The following HSPB1 variants were observed in gnomAD, a reference collection of about 807,000 sequenced individuals.
HSPB1 encodes heat shock protein family B (small) member 1, also known as heat shock protein beta-1.
HSPB1 carries 19 observed loss-of-function variants against 17.0 expected under a neutral mutation model. That is an observed-to-expected ratio of 1.12 (90% confidence interval 0.78 to 1.64). HSPB1 has a LOEUF of 1.64. Among genes scored for constraint, HSPB1 ranks in the 40% most tolerant of loss-of-function variants. The probability of loss-of-function intolerance (pLI) is 0.00; values close to 1 mark genes in which losing one functional copy is unlikely to be tolerated. For missense variants in HSPB1, 348 were observed against 289.2 expected, an observed-to-expected ratio of 1.20 and a Z score of -1.47; for synonymous variants, 165 against 129.8, an observed-to-expected ratio of 1.27 and a Z score of -1.84.
In HSPB1 at chr7:76,303,824, C is replaced by A; in HGVS notation, c.387C>A (p.Asp129Glu). 6.2e-7 allele frequency: 1 copy of A among 1,609,080 alleles called. No individual in the cohort carries two copies. Among genetic ancestry groups the A allele is most frequent in the African/African-American group, 1.3e-5 (1 of 74,254 alleles). ...AAGGCAAGCACGAGGAGCGGCAGGA[C>A]GAGCATGGCTACATCTCCCGGTGCT... ...EITGKHEERQDEHGYISRCFT... is the reference protein window; with the variant it reads ...EITGKHEERQEEHGYISRCFT... The change falls in exon 2 of 3, where the codon GAC (aspartate) becomes GAA (glutamate). Residue 129 changes from aspartate (D) to glutamate (E), a missense_variant. Coordinates refer to ENST00000248553, the MANE Select transcript of HSPB1 (RefSeq NM_001540.5).
chr7:76,303,225 C>T (rs1056480336), intron 1 of HSPB1, 149 bp downstream of exon 1: 5 of 990,466 alleles, frequency 5.0e-6, no homozygotes, highest in Non-Finnish European at 7.3e-6. Flanking sequence ...TTCCCTTGCT[C>T]AGGAATTGGG....
Position 76,302,695 on chromosome 7 carries a change from A to G in HSPB1, c.-18A>G, listed in dbSNP as rs1403880807. 2 of 1,599,110 alleles carry G rather than the reference A, an allele frequency of 1.3e-6. No individual in the cohort carries two copies. The highest frequency in any genetic ancestry group is 2.2e-5 in the East Asian group (1 of 44,862). ...CCCGCACTTTTCTGAGCAGACGTCC[A>G]GAGCAGAGTCAGCCAGCATGACCGA... is the stretch of plus-strand genomic sequence containing the variant. On this transcript the variant is annotated 5_prime_UTR_variant, in exon 1 of 3. Transcript: ENST00000248553.
rs1029497482 is a variant in HSPB1 at position 76,303,572 on chromosome 7, T to G, written c.365-230T>G. On this transcript the variant is annotated intron_variant, in intron 1 of 2. Coordinates refer to ENST00000248553, the MANE Select transcript of HSPB1 (RefSeq NM_001540.5). The stretch of plus-strand genomic sequence containing the variant: ...CCAAGTGCGCCTGCGTACTGCTCAC[T>G]CCCCAGCTCCGCGCCCTGCTCCGTT... 1.8e-5 allele frequency: 11 copies of G among 598,868 alleles called. No individual in the cohort carries two copies. The African/African-American group carries it at 2.0e-4, about 11-fold the overall frequency. 37.1% of individuals were successfully genotyped at this position (598,868 alleles called of 1,614,324 possible).
chr7:76,302,902 G>T lies in HSPB1; in HGVS notation c.190G>T (p.Glu64Ter). The T allele has an allele frequency of 6.4e-7, 1 of 1,551,492 alleles. No homozygotes were observed. Among genetic ancestry groups the T allele is most frequent in the Non-Finnish European group, 8.7e-7 (1 of 1,154,398 alleles). ...GCGCCCCCTGCCCCCCGCCGCCATC[G>T]AGAGCCCCGCAGTGGCCGCGCCCGC... ...YVRPLPPAAI[E>*]SPAVAAPAYS... The change falls in exon 1 of 3, where the codon GAG (glutamate) becomes TAG (stop). Residue 64 changes from glutamate (E) to a stop codon, truncating the protein, a stop_gained. Coordinates refer to ENST00000248553, the MANE Select transcript of HSPB1 (RefSeq NM_001540.5). LOFTEE classifies it high-confidence loss of function.
Position 76,303,997 on chromosome 7 carries a change from G to A in HSPB1, c.442G>A (p.Val148Met). The change falls in exon 3 of 3, where the codon GTG (valine) becomes ATG (methionine). Residue 148 changes from valine (V) to methionine (M), a missense_variant. By Grantham distance (21) the Val-to-Met change is conservative. Coordinates refer to ENST00000248553, the MANE Select transcript of HSPB1 (RefSeq NM_001540.5). ...CTGCACGTCCAGGCTGCCCCCCGGT[G>A]TGGACCCCACCCAAGTTTCCTCCTC... ...FTRKYTLPPG[V>M]DPTQVSSSLS... is the part of the protein sequence containing the mutation. The A allele has an allele frequency of 6.2e-7, 1 of 1,613,796 alleles. No homozygotes were observed. The highest frequency in any genetic ancestry group is 1.1e-5 in the South Asian group (1 of 91,072).
At chr7:76,303,908 G>T in intron 2 of HSPB1, 43 bp downstream of exon 2, 1 of 1,606,976 alleles carries the variant, frequency 6.2e-7, no homozygotes, top group Non-Finnish European at 8.5e-7. Flanking sequence ...TGGCGTGGGG[G>T]TGGGGTCAGG....
rs775728229 is a variant in HSPB1 at position 76,302,803 on chromosome 7, C to G, written c.91C>G (p.Gln31Glu). 5 of 1,608,626 alleles carry G rather than the reference C, an allele frequency of 3.1e-6. No individual in the cohort carries two copies. In the East Asian group the frequency reaches 8.9e-5, roughly 29 times the overall value. ...DWYPHSRLFD[Q>E]AFGLPRLPEE... The stretch of plus-strand genomic sequence containing the variant: ...GTACCCGCATAGCCGCCTCTTCGAC[C>G]AGGCCTTCGGGCTGCCCCGGCTGCC... Residue 31 changes from glutamine to glutamate, a missense_variant, in exon 1 of 3, where the codon CAG (glutamine) becomes GAG (glutamate). By Grantham distance (29) the Gln-to-Glu change is conservative. Transcript: ENST00000248553.
rs374801083 is a variant in HSPB1 at position 76,304,157 on chromosome 7, A to G, written c.602A>G (p.Glu201Gly). 3.7e-6 allele frequency: 6 copies of G among 1,611,264 alleles called. No individual in the cohort carries two copies. The African/African-American group carries it at 4.0e-5, about 11-fold the overall frequency. ...LGGPEAAKSD[E>G]TAAK ...GGCCCAGAAGCTGCAAAATCCGATG[A>G]GACTGCCGCCAAGTAAAGCCTTAGC... Residue 201 changes from glutamate (E) to glycine (G), a missense_variant, in exon 3 of 3, where the codon GAG becomes GGG. Transcript: ENST00000248553.
Position 76,302,724 on chromosome 7 carries a change from C to T in HSPB1, c.12C>T (p.Arg4=). 6.2e-7 allele frequency: 1 copy of T among 1,602,940 alleles called. No homozygotes were observed. Among genetic ancestry groups the T allele is most frequent in the South Asian group, 1.1e-5 (1 of 91,016 alleles). The change falls in exon 1 of 3, where the codon CGC becomes CGT. Residue 4 remains arginine, a synonymous_variant. Coordinates refer to ENST00000248553, the MANE Select transcript of HSPB1 (RefSeq NM_001540.5). MTE[R]RVPFSLLRGP... is the part of the protein sequence containing the mutation. ...CAGAGTCAGCCAGCATGACCGAGCGCCGCGTCCCCTTCTCGCTCCTGCGGG... is the reference window on the plus strand; with the variant it reads ...CAGAGTCAGCCAGCATGACCGAGCGTCGCGTCCCCTTCTCGCTCCTGCGGG...
rs1803021354 is a variant in HSPB1 at position 76,302,875 on chromosome 7, G to C, written c.163G>C (p.Val55Leu). Residue 55 changes from valine to leucine, a missense_variant, in exon 1 of 3, where the codon GTG becomes CTG. Transcript: ENST00000248553. ...AGGCGGCAGCAGCTGGCCAGGCTAC[G>C]TGCGCCCCCTGCCCCCCGCCGCCAT... is the stretch of plus-strand genomic sequence containing the variant. ...WLGGSSWPGY[V>L]RPLPPAAIES... 4 of 1,574,500 alleles carry C rather than the reference G, an allele frequency of 2.5e-6. No individual in the cohort carries two copies. The highest frequency in any genetic ancestry group is 3.4e-6 in the Non-Finnish European group (4 of 1,165,526).
Position 76,303,739 on chromosome 7 carries a change from G to A in HSPB1, c.365-63G>A, listed in dbSNP as rs1803056223. 4.7e-6 allele frequency: 7 copies of A among 1,476,958 alleles called. No homozygotes were observed. The East Asian group carries it at 1.6e-4, about 33-fold the overall frequency. 91.5% of individuals were successfully genotyped at this position (1,476,958 alleles called of 1,614,324 possible). A position where few individuals can be genotyped will look rare whatever the true frequency, so the allele number is the denominator to read the frequency against. ...CTTCCAAGCAGGAGGTGGGGCCTCT[G>A]GCCTAGCGGGGCCGAAAGGCAGTCC... On this transcript the variant is annotated intron_variant, in intron 1 of 2. Transcript: ENST00000248553.
chr7:76,303,260 T>C (rs1803037312), intron 1 of HSPB1, 184 bp downstream of exon 1: 1 of 690,728 alleles, frequency 1.4e-6, no homozygotes, highest in African/African-American at 1.8e-5. Flanking sequence ...CTAAGGGCGC[T>C]TTCTGCTCTG....
In HSPB1 at chr7:76,302,876, T is replaced by G; in HGVS notation, c.164T>G (p.Val55Gly). The part of the protein sequence containing the change: ...WLGGSSWPGY[V>G]RPLPPAAIES... ...GGCGGCAGCAGCTGGCCAGGCTACG[T>G]GCGCCCCCTGCCCCCCGCCGCCATC... Residue 55 changes from valine to glycine, a missense_variant, in exon 1 of 3, where the codon GTG (valine) becomes GGG (glycine). Physicochemically the swap from Val to Gly is moderately radical, Grantham distance 109 (BLOSUM62 -3). Transcript: ENST00000248553. 1 of 1,569,908 alleles carries G rather than the reference T, an allele frequency of 6.4e-7. No homozygotes were observed. Among genetic ancestry groups the G allele is most frequent in the Non-Finnish European group, 8.6e-7 (1 of 1,163,294 alleles).
Position 76,303,019 on chromosome 7 carries a change from C to T in HSPB1, c.307C>T (p.His103Tyr), listed in dbSNP as rs559235983. Reference sequence around the variant, plus strand: ...CTGGCGCGTGTCCCTGGATGTCAACCACTTCGCCCCGGACGAGCTGACGGT... The same window carrying T: ...CTGGCGCGTGTCCCTGGATGTCAACTACTTCGCCCCGGACGAGCTGACGGT... Reference protein sequence around the residue: ...DRWRVSLDVNHFAPDELTVKT... With the variant: ...DRWRVSLDVNYFAPDELTVKT... Residue 103 changes from histidine (H) to tyrosine (Y), a missense_variant, in exon 1 of 3, where the codon CAC becomes TAC. Transcript: ENST00000248553. The T allele has an allele frequency of 1.9e-6, 3 of 1,542,160 alleles. No homozygotes were observed. In the South Asian group the frequency reaches 3.5e-5, roughly 18 times the overall value.
chr7:76,303,941 C>G (rs376461444), intron 2 of HSPB1, 43 bp from the exon 3 acceptor site: 8 of 1,611,454 alleles, frequency 5.0e-6, no homozygotes, highest in Admixed American at 1.7e-5. Flanking sequence ...GGGACCCACC[C>G]GGTGTGTAAT....
chr7:76,303,854 G>A lies in HSPB1; in HGVS notation c.417G>A (p.Thr139=), dbSNP rs754991269. ...ATGGCTACATCTCCCGGTGCTTCAC[G>A]CGGAAATACACGTGAGTCCTGGCGC... is the stretch of plus-strand genomic sequence containing the variant. The part of the protein sequence containing the change: ...DEHGYISRCF[T]RKYTLPPGVD... Residue 139 remains threonine (T), a synonymous_variant, in exon 2 of 3, where the codon ACG becomes ACA. Transcript: ENST00000248553. 7.5e-6 allele frequency: 12 copies of A among 1,610,050 alleles called. No individual in the cohort carries two copies. In the African/African-American group the frequency reaches 1.2e-4, roughly 16 times the overall value.
chr7:76,302,719 G>C lies in HSPB1; in HGVS notation c.7G>C (p.Glu3Gln), dbSNP rs748003351. MT[E>Q]RRVPFSLLRG... ...CAGAGCAGAGTCAGCCAGCATGACCGAGCGCCGCGTCCCCTTCTCGCTCCT... is the reference window on the plus strand; with the variant it reads ...CAGAGCAGAGTCAGCCAGCATGACCCAGCGCCGCGTCCCCTTCTCGCTCCT... Residue 3 changes from glutamate (E) to glutamine (Q), a missense_variant, in exon 1 of 3, where the codon GAG (glutamate) becomes CAG (glutamine). By Grantham distance (29) the Glu-to-Gln change is conservative. Transcript: ENST00000248553. The C allele has an allele frequency of 4.4e-6, 7 of 1,602,060 alleles. No individual in the cohort carries two copies. Among genetic ancestry groups the C allele is most frequent in the South Asian group, 2.2e-5 (2 of 91,004 alleles).
chr7:76,303,752 C>G, intron 1 of HSPB1, 50 bp from the exon 2 acceptor site: 1 of 1,562,838 alleles, frequency 6.4e-7, no homozygotes, highest in Non-Finnish European at 8.8e-7. Flanking sequence ...CTAGCGGGGC[C>G]GAAAGGCAGT....
intron 2 of HSPB1, 37 bp from the exon 3 acceptor site, chr7:76,303,947 G>A (rs1164457021): frequency 6.2e-7 from 1 of 1,612,354 alleles, no homozygotes; most frequent in East Asian, 2.2e-5. Context: ...CACCCGGTGT[G>A]TAATGTAACG....
Sources: allele counts gnomAD v4.1 joint callset, GRCh38; gene constraint gnomAD v4.1.1; transcripts MANE v1.5; gene names NCBI Gene and HGNC (gene_info 2026-07-23, HGNC 2026-07-21).